Variants in CYP2C18 observed in about 807,000 individuals in gnomAD.
CYP2C18 encodes the protein cytochrome P450 family 2 subfamily C member 18, also known as cytochrome P450 2C18.
CYP2C18 carries 38 observed loss-of-function variants against 41.3 expected under a neutral mutation model. The ratio of observed to expected loss-of-function variants is 0.92; its 90% CI spans 0.71 to 1.21. CYP2C18 has a LOEUF of 1.21. Ranked by LOEUF, CYP2C18 falls within the 50% of genes most tolerant of loss-of-function variation. CYP2C18 has a pLI of 0.00. For missense variants in CYP2C18, 635 were observed against 591.4 expected, an observed-to-expected ratio of 1.07 and a Z score of -0.77; for synonymous variants, 236 against 210.0, an observed-to-expected ratio of 1.12 and a Z score of -1.07.
intron 5 of CYP2C18, among the ~76,000 whole-genome samples, chr10:94,714,558 C>G (rs2134197026): frequency 6.6e-6 from 1 of 152,292 alleles, no homozygotes; most frequent in South Asian, 2.1e-4. Context: ...AGTACCAGTA[C>G]CATGCTGTTT....
At chr10:94,732,762 T>C (rs903409709) in intron 7 of CYP2C18, among the ~76,000 whole-genome samples, 2 of 152,092 alleles carry the variant, frequency 1.3e-5, no homozygotes, top group East Asian at 3.9e-4. Flanking sequence ...TCAGTACTCA[T>C]GGACATAAAG....
intron 1 of CYP2C18, 125 bp from the exon 2 acceptor site, chr10:94,687,645 T>C: frequency 1.1e-6 from 1 of 909,658 alleles, no homozygotes. Flanking sequence ...ATACAAATAT[T>C]TGAAGCTGTA....
At chr10:94,692,580 A>G (rs1847023603) in intron 3 of CYP2C18, among the ~76,000 whole-genome samples, 1 of 152,194 alleles carries the variant, frequency 6.6e-6, no homozygotes, top group South Asian at 2.1e-4. Context: ...GTGGGACTGT[A>G]AACTAGTTTA....
intron 5 of CYP2C18, among the ~76,000 whole-genome samples, chr10:94,718,988 G>A (rs1172691427): frequency 2.0e-5 from 3 of 152,068 alleles, no homozygotes; most frequent in Non-Finnish European, 4.4e-5. Flanking sequence ...CCCAGTCTAT[G>A]TGGATATTTT....
intron 5 of CYP2C18, among the ~76,000 whole-genome samples, chr10:94,712,323 C>A (rs553700402): frequency 4.0e-5 from 6 of 151,654 alleles, no homozygotes; most frequent in Admixed American, 3.9e-4. Context: ...GGCTTTATAC[C>A]CTTTGACTAT....
intron 4 of CYP2C18, among the ~76,000 whole-genome samples, chr10:94,695,636 C>T (rs1334656322): frequency 6.6e-6 from 1 of 152,018 alleles, no homozygotes; most frequent in South Asian, 2.1e-4. Context: ...ACAGTGGGTA[C>T]AGGACAGTGG....
chr10:94,707,770 T>C (rs1034615674), intron 5 of CYP2C18, among the ~76,000 whole-genome samples: 1 of 152,176 alleles, frequency 6.6e-6, no homozygotes, highest in African/African-American at 2.4e-5. Flanking sequence ...GCCAAAAATC[T>C]ATGGATATTA....
intron 3 of CYP2C18, among the ~76,000 whole-genome samples, chr10:94,691,973 G>T (rs1847008823): frequency 6.6e-6 from 1 of 152,200 alleles, no homozygotes; most frequent in Non-Finnish European, 1.5e-5. Context: ...CTAGCCATAT[G>T]TAGAAAGCTG....
chr10:94,690,502 A>C (rs1846977107), intron 3 of CYP2C18, among the ~76,000 whole-genome samples: 1 of 152,206 alleles, frequency 6.6e-6, no homozygotes, highest in Non-Finnish European at 1.5e-5. Flanking sequence ...TGAATCTCTG[A>C]ATAGACCAAT....
chr10:94,707,366 C>T (rs974637791), intron 5 of CYP2C18, among the ~76,000 whole-genome samples: 32 of 152,022 alleles, frequency 2.1e-4, no homozygotes, highest in African/African-American at 6.0e-4. Flanking sequence ...CAATGAATAA[C>T]GGGGCAGTCA....
At chr10:94,712,319 A>G (rs1223852167) in intron 5 of CYP2C18, among the ~76,000 whole-genome samples, 3 of 151,892 alleles carry the variant, frequency 2.0e-5, no homozygotes, top group Non-Finnish European at 4.4e-5. Context: ...AACAGGCTTT[A>G]TACCCTTTGA....
At position 94,735,342 on chromosome 10, in the gene CYP2C18, C is replaced by T. The variant is rs1847901983; in HGVS notation, c.1371C>T (p.Asn457=). The change falls in exon 9 of 9, where the codon AAC becomes AAT. Residue 457 remains asparagine, a synonymous_variant. Coordinates refer to ENST00000285979, the MANE Select transcript of CYP2C18 (RefSeq NM_000772.3). ...LFLTTILQNF[N]LKSQVDPKDI... ...TGACCACCATTTTGCAGAACTTTAA[C>T]CTGAAATCTCAGGTTGACCCAAAGG... is the stretch of plus-strand genomic sequence containing the variant. 3.1e-6 allele frequency: 5 copies of T among 1,613,678 alleles called. No homozygotes were observed. The highest frequency in any genetic ancestry group is 4.2e-6 in the Non-Finnish European group (5 of 1,179,728).
chr10:94,723,175 T>C (rs1177604414), intron 6 of CYP2C18, among the ~76,000 whole-genome samples: 1 of 152,156 alleles, frequency 6.6e-6, no homozygotes, highest in Non-Finnish European at 1.5e-5. Context: ...GCAAAAAATT[T>C]TTGCCCTTTG....
At chr10:94,699,991 T>C (rs972557315) in intron 4 of CYP2C18, among the ~76,000 whole-genome samples, 17 of 152,096 alleles carry the variant, frequency 1.1e-4, no homozygotes, top group African/African-American at 4.1e-4. Context: ...CACAAACAAA[T>C]GGAGGAACAT....
chr10:94,684,346 AT>A (rs1353582100), intron 1 of CYP2C18, among the ~76,000 whole-genome samples: 9 of 152,048 alleles, frequency 5.9e-5, no homozygotes, highest in African/African-American at 2.2e-4. Flanking sequence ...GTATCCCCTT[AT>A]TTGGCCCATC....
intron 4 of CYP2C18, among the ~76,000 whole-genome samples, chr10:94,704,282 CAG>C (rs1470020950): frequency 6.6e-6 from 1 of 151,306 alleles, no homozygotes; most frequent in East Asian, 1.9e-4. Context: ...CTCTGGAAAT[CAG>C]AGTCTTTCCT....
chr10:94,691,682 T>G, intron 3 of CYP2C18, among the ~76,000 whole-genome samples: 1 of 152,204 alleles, frequency 6.6e-6, no homozygotes, highest in Non-Finnish European at 1.5e-5. Flanking sequence ...ACTTTAAAGT[T>G]CATATGGAAC....
At chr10:94,716,341 C>T (rs1320253104) in intron 5 of CYP2C18, among the ~76,000 whole-genome samples, 2 of 152,188 alleles carry the variant, frequency 1.3e-5, no homozygotes, top group Admixed American at 6.5e-5. Flanking sequence ...TTTCCCTCTA[C>T]ACACTGCTTT....
At chr10:94,715,445 G>T (rs1354906936) in intron 5 of CYP2C18, among the ~76,000 whole-genome samples, 1 of 152,058 alleles carries the variant, frequency 6.6e-6, no homozygotes, top group East Asian at 1.9e-4. Context: ...ATAATCATGT[G>T]GTTTTTGTCT....
Sources: gnomAD v4.1 joint callset for allele counts (sites outside exome capture counted in the v4.1 genomes callset) on GRCh38, gnomAD v4.1.1 for gene constraint, MANE v1.5 for transcripts, NCBI Gene and HGNC (gene_info 2026-07-23, HGNC 2026-07-21) for gene names.